The following SGCZ variants were observed in gnomAD, a reference collection of about 807,000 sequenced individuals.
SGCZ encodes sarcoglycan zeta.
SGCZ carries 40 observed loss-of-function variants against 41.3 expected under a neutral mutation model. The observed-to-expected ratio is 0.97, with a 90% CI of 0.75 to 1.26. The LOEUF is 1.26. SGCZ is among the 50% of genes most tolerant of loss of function. The probability of loss-of-function intolerance (pLI) is 0.00; values close to 1 mark genes in which losing one functional copy is unlikely to be tolerated. For synonymous variants in SGCZ, 206 were observed against 137.5 expected, an observed-to-expected ratio of 1.50 and a Z score of -3.49; for missense variants, 552 against 369.8, an observed-to-expected ratio of 1.49 and a Z score of -4.04.
chr8:14,550,642 C>G (rs1056666682), intron 2 of SGCZ, among the ~76,000 whole-genome samples: 1 of 151,720 alleles, frequency 6.6e-6, no homozygotes, highest in African/African-American at 2.4e-5. Context: ...AATACCATTG[C>G]GTAGATCACA....
At chr8:14,969,659 G>A (rs1801230311) in intron 1 of SGCZ, among the ~76,000 whole-genome samples, 3 of 151,654 alleles carry the variant, frequency 2.0e-5, no homozygotes, top group Admixed American at 1.3e-4. Flanking sequence ...TCCTTGTCTG[G>A]CTTCTTTCAG....
At chr8:15,092,698 C>T (rs1423863038) in intron 1 of SGCZ, among the ~76,000 whole-genome samples, 1 of 152,006 alleles carries the variant, frequency 6.6e-6, no homozygotes, top group African/African-American at 2.4e-5. Context: ...TCAAAAGAAC[C>T]AAGAAAATCA....
intron 1 of SGCZ, among the ~76,000 whole-genome samples, chr8:14,682,601 A>AT (rs1808484565): frequency 6.6e-6 from 1 of 151,850 alleles, no homozygotes. Flanking sequence ...CGCCCGGCTA[A>AT]TTTTTTGTAT....
chr8:14,339,950 A>G (rs151163099), intron 2 of SGCZ, among the ~76,000 whole-genome samples: 3 of 152,308 alleles, frequency 2.0e-5, no homozygotes, highest in African/African-American at 7.2e-5. Context: ...AAATGAAAGA[A>G]TGAATTCAAC....
chr8:14,754,383 A>T (rs1017884258), intron 1 of SGCZ, among the ~76,000 whole-genome samples: 2 of 152,140 alleles, frequency 1.3e-5, no homozygotes, highest in African/African-American at 4.8e-5. Flanking sequence ...TCCATAGTAG[A>T]TACTACACTC....
At chr8:14,554,982 AAAAT>A (rs939504212) in intron 1 of SGCZ, 56 bp from the exon 2 acceptor site, 1 of 1,462,686 alleles carries the variant, frequency 6.8e-7, no homozygotes, top group Non-Finnish European at 9.2e-7. Flanking sequence ...AGCATTAAAA[AAAAT>A]AAACCCATGA....
At chr8:15,054,165 T>A (rs1432190610) in intron 1 of SGCZ, among the ~76,000 whole-genome samples, 2 of 152,220 alleles carry the variant, frequency 1.3e-5, no homozygotes, top group African/African-American at 4.8e-5. Flanking sequence ...TAGTTCTTGC[T>A]CATAATGAAA....
chr8:14,921,432 T>C (rs1353099957), intron 1 of SGCZ, among the ~76,000 whole-genome samples: 3 of 152,118 alleles, frequency 2.0e-5, no homozygotes, highest in Non-Finnish European at 2.9e-5. Context: ...ATCTATCAAG[T>C]TGTAAAGATT....
intron 2 of SGCZ, among the ~76,000 whole-genome samples, chr8:14,519,376 A>G (rs1383755641): frequency 6.6e-6 from 1 of 152,150 alleles, no homozygotes; most frequent in Non-Finnish European, 1.5e-5. Flanking sequence ...ATGAAGAAAT[A>G]TGGAAAAGTT....
chr8:14,532,367 GA>G (rs1395663384), intron 2 of SGCZ, among the ~76,000 whole-genome samples: 1 of 152,166 alleles, frequency 6.6e-6, no homozygotes, highest in African/African-American at 2.4e-5. Flanking sequence ...TTAGCAGGTA[GA>G]AAGTGGATAA....
chr8:14,100,583 TA>T (rs1563126036), intron 7 of SGCZ, among the ~76,000 whole-genome samples: 5 of 93,484 alleles, frequency 5.3e-5, no homozygotes, highest in Middle Eastern at 6.9e-3. Context: ...TATTTTCAAA[TA>T]ATATATTATA....
intron 1 of SGCZ, among the ~76,000 whole-genome samples, chr8:14,924,802 A>G (rs1799695933): frequency 6.6e-6 from 1 of 151,276 alleles, no homozygotes. Flanking sequence ...TAACATTATC[A>G]TTGTTTTACG....
At chr8:14,420,180 T>C (rs1448026837) in intron 2 of SGCZ, among the ~76,000 whole-genome samples, 1 of 152,086 alleles carries the variant, frequency 6.6e-6, no homozygotes, top group Non-Finnish European at 1.5e-5. Context: ...TTACCCTATA[T>C]TACCCAGTAA....
chr8:14,321,115 C>T (rs1210735894), intron 3 of SGCZ, among the ~76,000 whole-genome samples: 1 of 152,070 alleles, frequency 6.6e-6, no homozygotes, highest in Non-Finnish European at 1.5e-5. Context: ...TTTATATAAA[C>T]TAGCCCAGAT....
intron 1 of SGCZ, among the ~76,000 whole-genome samples, chr8:14,821,847 C>T (rs887354769): frequency 1.3e-5 from 2 of 152,084 alleles, no homozygotes; most frequent in African/African-American, 4.8e-5. Context: ...AAATCCACAG[C>T]TACTATCATA....
At chr8:14,583,212 G>C (rs910095603) in intron 1 of SGCZ, among the ~76,000 whole-genome samples, 35 of 150,994 alleles carry the variant, frequency 2.3e-4, no homozygotes, top group Non-Finnish European at 1.3e-4. Flanking sequence ...TAACTGGTGT[G>C]AGATGGTATC....
At chr8:14,788,577 T>C (rs1182245085) in intron 1 of SGCZ, among the ~76,000 whole-genome samples, 1 of 152,182 alleles carries the variant, frequency 6.6e-6, no homozygotes, top group Non-Finnish European at 1.5e-5. Flanking sequence ...GTAATAATAA[T>C]AATACCAATC....
At chr8:14,604,045 A>G (rs17250763) in intron 1 of SGCZ, among the ~76,000 whole-genome samples, 24,092 of 152,124 alleles carry the variant, frequency 0.16, 2,350 homozygotes, top group Non-Finnish European at 0.21. Flanking sequence ...AAAGCTCAAC[A>G]ATCATATTTT....
chr8:14,441,459 CA>C (rs1307562453), intron 2 of SGCZ, among the ~76,000 whole-genome samples: 6 of 152,102 alleles, frequency 3.9e-5, no homozygotes, highest in Non-Finnish European at 8.8e-5. Context: ...CGGGTAATCC[CA>C]ACTACTCAGG....
Sources: gnomAD v4.1 joint callset for allele counts (sites outside exome capture counted in the v4.1 genomes callset) on GRCh38, gnomAD v4.1.1 for gene constraint, MANE v1.5 for transcripts, NCBI Gene and HGNC (gene_info 2026-07-23, HGNC 2026-07-21) for gene names.